Variants in BRI3BP observed in about 807,000 individuals in gnomAD.
The protein encoded by BRI3BP is BRI3-binding protein.
A neutral mutation model predicts 15.8 loss-of-function variants in BRI3BP; 7 were observed. The ratio of observed to expected loss-of-function variants is 0.44; its 90% CI spans 0.25 to 0.83. The LOEUF (loss-of-function observed/expected upper bound fraction) is 0.83. Among genes scored for constraint, BRI3BP ranks in the 40% least tolerant of loss-of-function variants. The pLI is 0.20. For missense variants in BRI3BP, 320 were observed against 339.3 expected (o/e 0.94, Z 0.45); for synonymous variants, 192 against 163.5 (o/e 1.17, Z -1.33).
rs1359014668 is a variant in BRI3BP, at chr12:125,025,068, G to A, written c.394G>A (p.Val132Ile). The part of the protein sequence containing the change: ...PARALLLVGV[V>I]LLAYWFLSLT... ...CCGCGCGCTCCTGCTGGTCGGCGTC[G>A]TCCTCCTGGCCTACTGGTTCTTGTC... The change falls in exon 3 of 3, where the codon GTC (valine) becomes ATC (isoleucine). Residue 132 changes from valine (V) to isoleucine (I), a missense_variant. By Grantham distance (29) the Val-to-Ile change is conservative (BLOSUM62 3). Coordinates refer to ENST00000341446, the MANE Select transcript of BRI3BP (RefSeq NM_080626.6). The A allele has an allele frequency of 3.1e-6, 5 of 1,613,390 alleles. No individual in the cohort carries two copies. Among genetic ancestry groups the A allele is most frequent in the Admixed American group, 1.7e-5 (1 of 59,986 alleles).
Position 125,025,428 on chromosome 12 carries a change from T to C in BRI3BP, c.754T>C (p.Ter252ArgextTer31). Residue 252 changes from the stop codon to arginine, a stop_lost, in exon 3 of 3, where the codon TGA becomes CGA. Transcript: ENST00000341446. ...GAGCCTGGACCGCTCCAAGGACAAG[T>C]GAAGGTCAGCCGGCCGGGCGGGTCC... ...LESLDRSKDK[*>R] 6.3e-7 allele frequency: 1 copy of C among 1,584,386 alleles called. No homozygotes were observed. The highest frequency in any genetic ancestry group is 8.6e-7 in the Non-Finnish European group (1 of 1,160,998).
chr12:125,014,259 TC>T (rs961124714), intron 2 of BRI3BP, among the ~76,000 whole-genome samples: 10 of 152,074 alleles, frequency 6.6e-5, no homozygotes, highest in Non-Finnish European at 1.0e-4. Context: ...CAGAGGAAAT[TC>T]CCCAGCTGGG....
chr12:125,046,859 C>A, the BRI3BP span, among the ~76,000 whole-genome samples: 2 of 152,152 alleles, frequency 1.3e-5, no homozygotes, highest in Non-Finnish European at 2.9e-5. Context: ...GTCACAGATT[C>A]ATTTTTGTTT....
chr12:125,031,611 C>G (rs111982545), downstream of BRI3BP, among the ~76,000 whole-genome samples: 7,788 of 109,408 alleles, frequency 0.071, 384 homozygotes, highest in African/African-American at 0.16. Context: ...TTGAGATGGA[C>G]TCTCACCCAG....
intron 1 of BRI3BP, among the ~76,000 whole-genome samples, chr12:124,995,740 GAC>G (rs1565900607): frequency 6.6e-6 from 1 of 152,204 alleles, no homozygotes. Context: ...AGGAAACTGA[GAC>G]ACAGAGCAGT....
chr12:125,034,877 C>T (rs191185951), downstream of BRI3BP, among the ~76,000 whole-genome samples: 99 of 152,240 alleles, frequency 6.5e-4, 3 homozygotes, highest in South Asian at 0.01. Context: ...CGTGAACCAC[C>T]GCGCCCGGCC....
chr12:125,025,187 G>A lies in BRI3BP; in HGVS notation c.513G>A (p.Val171=), dbSNP rs986278110. The part of the protein sequence containing the change: ...VRVVLFSMSC[V]YILHKYEGEP... Reference sequence around the variant, plus strand: ...TCGTCCTGTTTTCCATGTCCTGCGTGTACATCCTGCACAAGTACGAGGGCG... The same window carrying A: ...TCGTCCTGTTTTCCATGTCCTGCGTATACATCCTGCACAAGTACGAGGGCG... Residue 171 remains valine, a synonymous_variant, in exon 3 of 3, where the codon GTG becomes GTA. Transcript: ENST00000341446. The A allele has an allele frequency of 5.6e-6, 9 of 1,613,978 alleles. No homozygotes were observed. The highest frequency in any genetic ancestry group is 7.6e-6 in the Non-Finnish European group (9 of 1,180,022).
intron 1 of BRI3BP, 52 bp downstream of exon 1, chr12:124,994,055 T>G: frequency 3.5e-6 from 4 of 1,153,442 alleles, no homozygotes; most frequent in Non-Finnish European, 2.2e-6. Flanking sequence ...GCCACGCACC[T>G]GGCTACCGGG....
chr12:125,008,800 A>T (rs1286168246), intron 1 of BRI3BP, among the ~76,000 whole-genome samples: 1 of 152,040 alleles, frequency 6.6e-6, no homozygotes, highest in Admixed American at 6.6e-5. Context: ...TATACAACTC[A>T]CCATAATGTA....
downstream of BRI3BP, among the ~76,000 whole-genome samples, chr12:125,031,574 A>ATTTTTTTTTTTTT (rs367625363): frequency 7.1e-5 from 6 of 84,244 alleles, 1 homozygote; most frequent in African/African-American, 3.1e-4. Flanking sequence ...TTTTCTTTCT[A>ATTTTTTTTTTTTT]TTTTTTTTTT....
chr12:125,024,320 C>CT (rs1421366501), intron 2 of BRI3BP, among the ~76,000 whole-genome samples: 1 of 144,158 alleles, frequency 6.9e-6, no homozygotes, highest in Non-Finnish European at 1.5e-5. Context: ...TCCAATCACC[C>CT]CCCACGAGGT....
the BRI3BP span, among the ~76,000 whole-genome samples, chr12:125,039,804 A>G: frequency 6.6e-6 from 1 of 152,152 alleles, no homozygotes; most frequent in Non-Finnish European, 1.5e-5. Context: ...ACTATTAATA[A>G]CAGGTTATTT....
At position 125,025,140 on chromosome 12, in the gene BRI3BP, C is replaced by G. The variant is rs375754718; in HGVS notation, c.466C>G (p.Arg156Gly). ...TFSVLHVVFG[R>G]FFWIVRVVLF... is the part of the protein sequence containing the mutation. Reference sequence around the variant, plus strand: ...CAGCGTCCTGCACGTGGTGTTCGGCCGCTTCTTCTGGATCGTGCGGGTCGT... The same window carrying G: ...CAGCGTCCTGCACGTGGTGTTCGGCGGCTTCTTCTGGATCGTGCGGGTCGT... Residue 156 changes from arginine (R) to glycine (G), a missense_variant, in exon 3 of 3, where the codon CGC becomes GGC. Coordinates refer to ENST00000341446, the MANE Select transcript of BRI3BP (RefSeq NM_080626.6). 1.9e-6 allele frequency: 3 copies of G among 1,614,012 alleles called. No individual in the cohort carries two copies. The highest frequency in any genetic ancestry group is 1.3e-5 in the African/African-American group (1 of 74,916).
chr12:124,994,008 G>T lies in BRI3BP; in HGVS notation c.213+5G>T. 1 of 1,331,664 alleles carries T rather than the reference G, an allele frequency of 7.5e-7. No homozygotes were observed. The highest frequency in any genetic ancestry group is 9.7e-7 in the Non-Finnish European group (1 of 1,027,618). 82.5% of individuals were successfully genotyped at this position (1,331,664 alleles called of 1,614,324 possible). On this transcript the variant is annotated splice_donor_5th_base_variant and intron_variant, in intron 1 of 2. Coordinates refer to ENST00000341446, the MANE Select transcript of BRI3BP (RefSeq NM_080626.6). Reference sequence around the variant, plus strand: ...AACGTGCGCGCCGCTCAGAAGGTGGGCGCCGGGCCCGCGCCCGCGGTCACC... The same window carrying T: ...AACGTGCGCGCCGCTCAGAAGGTGGTCGCCGGGCCCGCGCCCGCGGTCACC...
chr12:125,049,360 T>C, the BRI3BP span, among the ~76,000 whole-genome samples: 1 of 152,216 alleles, frequency 6.6e-6, no homozygotes, highest in East Asian at 1.9e-4. Context: ...TGGGCTTAGC[T>C]TGGTTCCCTC....
rs146324693 is a variant in BRI3BP at position 125,003,116 on chromosome 12, C to T, written c.213+9113C>T. On this transcript the variant is annotated intron_variant, in intron 1 of 2. Coordinates refer to ENST00000341446, the MANE Select transcript of BRI3BP (RefSeq NM_080626.6). ...GAAACCTCTGAATGGCAGAATCTCC[C>T]GTCCCCTCTCCCTGGCTTGCTTATC... Among the ~76,000 whole-genome samples, 447 of 152,348 alleles carry T rather than the reference C, an allele frequency of 2.9e-3. 2 individuals carry two copies. The highest frequency in any genetic ancestry group is 4.2e-3 in the Non-Finnish European group (287 of 68,026).
chr12:124,995,867 C>G (rs946586220), intron 1 of BRI3BP, among the ~76,000 whole-genome samples: 2 of 152,162 alleles, frequency 1.3e-5, no homozygotes, highest in African/African-American at 4.8e-5. Flanking sequence ...ATGACCCCTT[C>G]CCTGTTCCCC....
intron 2 of BRI3BP, among the ~76,000 whole-genome samples, chr12:125,017,019 A>ATT (rs542768459): frequency 1.6e-5 from 2 of 121,458 alleles, no homozygotes. Flanking sequence ...TATTATTATT[A>ATT]TTATTTTTTT....
At chr12:125,018,997 T>TC (rs1021903440) in intron 2 of BRI3BP, among the ~76,000 whole-genome samples, 2 of 152,152 alleles carry the variant, frequency 1.3e-5, no homozygotes, top group Non-Finnish European at 2.9e-5. Flanking sequence ...TAGCTGGAAT[T>TC]ACAGGCACCC....
Sources: allele counts gnomAD v4.1 joint callset (sites outside exome capture counted in the v4.1 genomes callset), GRCh38; gene constraint gnomAD v4.1.1; transcripts MANE v1.5; gene names NCBI Gene and HGNC (gene_info 2026-07-23, HGNC 2026-07-21).